ROBO2: variants seen among roughly 807,000 people sequenced by gnomAD.
ROBO2 encodes the protein roundabout homolog 2.
ROBO2 carries 53 observed loss-of-function variants against 160.8 expected under a neutral mutation model. The ratio of observed to expected loss-of-function variants is 0.33; its 90% CI spans 0.26 to 0.41. ROBO2 has a LOEUF of 0.41. ROBO2 is among the 10% of genes least tolerant of loss of function. ROBO2 has a pLI of 1.00. For missense variants in ROBO2, 1,577 were observed against 1,722.4 expected, an observed-to-expected ratio of 0.92 and a Z score of 1.49; for synonymous variants, 664 against 611.7, an observed-to-expected ratio of 1.09 and a Z score of -1.26.
intron 2 of ROBO2, among the ~76,000 whole-genome samples, chr3:77,114,874 A>G (rs535630251): frequency 1.8e-4 from 27 of 152,304 alleles, no homozygotes; most frequent in African/African-American, 6.3e-4. Flanking sequence ...ATTTTCACCC[A>G]AATAGCATAA....
At chr3:76,264,499 A>G (rs980501) in intron 2 of ROBO2, among the ~76,000 whole-genome samples, 107,521 of 151,918 alleles carry the variant, frequency 0.71, 41,703 homozygotes, top group Non-Finnish European at 0.89. Context: ...TTCTTAAATA[A>G]TTAAAATTAT....
chr3:77,151,327 G>T (rs1278583689), intron 2 of ROBO2, among the ~76,000 whole-genome samples: 1 of 152,076 alleles, frequency 6.6e-6, no homozygotes, highest in African/African-American at 2.4e-5. Context: ...TTCAGAAAAT[G>T]CTACCGAATT....
intron 16 of ROBO2, among the ~76,000 whole-genome samples, chr3:77,580,766 A>G (rs770736094): frequency 6.6e-6 from 1 of 152,134 alleles, no homozygotes; most frequent in East Asian, 1.9e-4. Context: ...GCAGTATTCA[A>G]TTGTATGAAT....
rs1367138317 is a variant in ROBO2 at position 76,269,591 on chromosome 3, A to T, written c.109+331989A>T. ...TTCAATAAGTTATGGTTAAATGAAAAAAAAAAAACAGAGTAAATGAAAGGA... is the reference window on the plus strand; with the variant it reads ...TTCAATAAGTTATGGTTAAATGAAATAAAAAAAACAGAGTAAATGAAAGGA... On this transcript the variant is annotated intron_variant, in intron 2 of 26. Coordinates refer to the ROBO2 transcript ENST00000487694. Among the ~76,000 whole-genome samples, 7 of 151,838 alleles carry T rather than the reference A, an allele frequency of 4.6e-5. No individual in the cohort carries two copies. In the East Asian group the frequency reaches 1.4e-3, roughly 29 times the overall value.
At chr3:77,132,858 A>G (rs2075973693) in intron 2 of ROBO2, among the ~76,000 whole-genome samples, 1 of 152,160 alleles carries the variant, frequency 6.6e-6, no homozygotes, top group Non-Finnish European at 1.5e-5. Context: ...TTCAACAAAT[A>G]TGTTTTGAAC....
At chr3:77,124,403 A>T (rs1441617454) in intron 2 of ROBO2, among the ~76,000 whole-genome samples, 1 of 152,134 alleles carries the variant, frequency 6.6e-6, no homozygotes, top group Non-Finnish European at 1.5e-5. Flanking sequence ...ATAGGAGTAG[A>T]GTTTATATTA....
At position 76,314,697 on chromosome 3, in the gene ROBO2, C is replaced by CTT. The variant is rs200267341; in HGVS notation, c.109+377098_109+377099dup. On this transcript the variant is annotated intron_variant, in intron 2 of 26. Coordinates refer to the ROBO2 transcript ENST00000487694. ...CTTACGATTTTCTTAATAACATTTT[C>CTT]TTTTCCCTAGCTTACTTTACTGTAA... is the stretch of plus-strand genomic sequence containing the variant. Among the ~76,000 whole-genome samples the CTT allele has an allele frequency of 6.5e-3, 986 of 152,198 alleles. 10 individuals are homozygous for CTT. Among genetic ancestry groups the CTT allele is most frequent in the African/African-American group, 0.019 (776 of 41,528 alleles).
intron 1 of ROBO2, among the ~76,000 whole-genome samples, chr3:77,062,419 CAAAT>C: frequency 6.6e-6 from 1 of 151,988 alleles, no homozygotes; most frequent in African/African-American, 2.4e-5. Context: ...AAAAAATACT[CAAAT>C]AAACTCAGAG....
At chr3:77,491,490 G>T (rs1473310791) in intron 4 of ROBO2, among the ~76,000 whole-genome samples, 1 of 152,078 alleles carries the variant, frequency 6.6e-6, no homozygotes, top group African/African-American at 2.4e-5. Flanking sequence ...CCCTCATAAG[G>T]ATATATTAAT....
At chr3:76,491,214 G>T (rs769594212) in intron 2 of ROBO2, among the ~76,000 whole-genome samples, 11 of 152,038 alleles carry the variant, frequency 7.2e-5, no homozygotes, top group Non-Finnish European at 4.4e-5. Context: ...CTCCCAAAGT[G>T]CTGGGATTGC....
chr3:76,172,020 C>T (rs988402059), intron 2 of ROBO2, among the ~76,000 whole-genome samples: 26 of 152,040 alleles, frequency 1.7e-4, no homozygotes, highest in African/African-American at 6.3e-4. Flanking sequence ...ATCCAAATTC[C>T]AGGTCAACTC....
chr3:77,616,373 G>T (rs1202587915), intron 21 of ROBO2, among the ~76,000 whole-genome samples: 3 of 151,278 alleles, frequency 2.0e-5, no homozygotes, highest in African/African-American at 7.3e-5. Context: ...AGTTGGAAAG[G>T]TTTTTTTTTA....
At chr3:77,563,048 C>A in intron 10 of ROBO2, 119 bp from the exon 12 acceptor site, 1 of 882,154 alleles carries the variant, frequency 1.1e-6, no homozygotes, top group Non-Finnish European at 1.8e-6. Context: ...ACTTCTGATT[C>A]ATGGAGATGA....
At chr3:76,628,785 A>G (rs1295545323) in intron 2 of ROBO2, among the ~76,000 whole-genome samples, 2 of 152,158 alleles carry the variant, frequency 1.3e-5, no homozygotes, top group Non-Finnish European at 2.9e-5. Context: ...GCCATTGTTC[A>G]TCTGTTTCAG....
At chr3:76,111,954 A>G (rs935504874) in intron 2 of ROBO2, among the ~76,000 whole-genome samples, 3 of 152,138 alleles carry the variant, frequency 2.0e-5, no homozygotes, top group Non-Finnish European at 4.4e-5. Flanking sequence ...GGCACAGATA[A>G]TTAGCCACAA....
At chr3:75,996,720 TATTCTGATATATGTAAATCATCA>T (rs11270255) in intron 2 of ROBO2, among the ~76,000 whole-genome samples, 18,445 of 135,842 alleles carry the variant, frequency 0.14, 1,711 homozygotes, top group East Asian at 0.21. Context: ...AATGAATATC[TATTCTGATATATGTAAATCATCA>T]ATTCTGATAT....
At chr3:76,750,328 A>C (rs1303790036) in intron 2 of ROBO2, among the ~76,000 whole-genome samples, 1 of 152,118 alleles carries the variant, frequency 6.6e-6, no homozygotes, top group Non-Finnish European at 1.5e-5. Flanking sequence ...TGACAAACCC[A>C]CAGCCAATAT....
chr3:76,482,349 C>T (rs561648978), intron 2 of ROBO2, among the ~76,000 whole-genome samples: 1 of 152,100 alleles, frequency 6.6e-6, no homozygotes, highest in Non-Finnish European at 1.5e-5. Context: ...TTTATTACAG[C>T]TACCCAGAAC....
At chr3:76,243,227 A>G (rs144199147) in intron 2 of ROBO2, among the ~76,000 whole-genome samples, 4,142 of 151,992 alleles carry the variant, frequency 0.027, 58 homozygotes, top group Non-Finnish European at 0.033. Context: ...CACTTCTGAT[A>G]TTTTGAACCC....
Sources: allele counts gnomAD v4.1 joint callset (sites outside exome capture counted in the v4.1 genomes callset), GRCh38; gene constraint gnomAD v4.1.1; transcripts MANE v1.5; gene names NCBI Gene and HGNC (gene_info 2026-07-23, HGNC 2026-07-21).